Variants in RBFOX1 observed in about 807,000 individuals in gnomAD.
The protein encoded by RBFOX1 is RNA binding protein fox-1 homolog 1.
A neutral mutation model predicts 57.7 loss-of-function variants in RBFOX1; 8 were observed. The observed-to-expected ratio is 0.14, with a 90% CI of 0.08 to 0.25. RBFOX1 has a LOEUF of 0.25. RBFOX1 is among the 10% of genes least tolerant of loss of function. The probability of loss-of-function intolerance (pLI) is 1.00; values close to 1 mark genes in which losing one functional copy is unlikely to be tolerated. For missense variants in RBFOX1, 611 were observed against 548.5 expected, an observed-to-expected ratio of 1.11 and a Z score of -1.14; for synonymous variants, 326 against 222.4, an observed-to-expected ratio of 1.47 and a Z score of -4.15.
chr16:5,793,808 G>A (rs546992928), intron 3 of RBFOX1, among the ~76,000 whole-genome samples: 3 of 152,184 alleles, frequency 2.0e-5, no homozygotes, highest in Non-Finnish European at 4.4e-5. Flanking sequence ...AGTGTGCATT[G>A]CATGCGTGCA....
intron 3 of RBFOX1, among the ~76,000 whole-genome samples, chr16:5,726,149 A>G (rs1238102095): frequency 2.0e-5 from 3 of 151,310 alleles, no homozygotes; most frequent in Non-Finnish European, 4.4e-5. Flanking sequence ...CTTTCGTCCC[A>G]GTTTAATTTC....
chr16:5,386,967 C>A (rs1311090292), intron 1 of RBFOX1, among the ~76,000 whole-genome samples: 2 of 152,206 alleles, frequency 1.3e-5, no homozygotes, highest in Non-Finnish European at 2.9e-5. Context: ...AGTAGAATCT[C>A]TTGAACCCAG....
intron 8 of RBFOX1, 94 bp from the exon 9 acceptor site, chr16:7,597,277 T>C (rs1012247122): frequency 2.3e-6 from 2 of 882,716 alleles, no homozygotes; most frequent in African/African-American, 3.5e-5. Flanking sequence ...TAGTTTTCTT[T>C]TTTAATAAGT....
rs544701047 is a variant in RBFOX1 at position 6,993,458 on chromosome 16, T to C, written c.-15-58599T>C. Among the ~76,000 whole-genome samples the C allele has an allele frequency of 1.3e-4, 19 of 151,960 alleles. No homozygotes were observed. In the South Asian group the frequency reaches 3.9e-3, roughly 32 times the overall value. Reference sequence around the variant, plus strand: ...TTGCTGGCTGAGGGATCCATCAGAGTGGGAAGGGGAGATGGGGAAAGCCAT... The same window carrying C: ...TTGCTGGCTGAGGGATCCATCAGAGCGGGAAGGGGAGATGGGGAAAGCCAT... On this transcript the variant is annotated intron_variant, in intron 3 of 15. Transcript: ENST00000550418.
chr16:6,175,505 G>GT (rs1215954310), intron 1 of RBFOX1, among the ~76,000 whole-genome samples: 20 of 152,094 alleles, frequency 1.3e-4, no homozygotes, highest in African/African-American at 4.3e-4. Flanking sequence ...CTGTAGGTCG[G>GT]GGGGGTGGGG....
At chr16:7,527,768 C>T (rs915728409) in intron 5 of RBFOX1, among the ~76,000 whole-genome samples, 5 of 152,130 alleles carry the variant, frequency 3.3e-5, no homozygotes, top group Non-Finnish European at 7.4e-5. Context: ...AAACATTCTA[C>T]CAGATCGACC....
At chr16:7,106,069 C>G (rs1048287235) in intron 4 of RBFOX1, among the ~76,000 whole-genome samples, 4 of 152,148 alleles carry the variant, frequency 2.6e-5, no homozygotes, top group Non-Finnish European at 5.9e-5. Context: ...TAAAACTATT[C>G]AGTACCCCCA....
At chr16:7,663,090 AAGTGATC>A (rs2068188979) in intron 12 of RBFOX1, among the ~76,000 whole-genome samples, 1 of 152,218 alleles carries the variant, frequency 6.6e-6, no homozygotes, top group Admixed American at 6.5e-5. Flanking sequence ...TGATATGGCT[AAGTGATC>A]AGTCCTGTGG....
At chr16:7,700,831 A>G (rs893986229) in intron 14 of RBFOX1, among the ~76,000 whole-genome samples, 10 of 152,154 alleles carry the variant, frequency 6.6e-5, no homozygotes, top group African/African-American at 2.4e-4. Context: ...AGAGGTTTTC[A>G]GAATAGGAAG....
At chr16:7,536,926 A>G (rs1415587745) in intron 5 of RBFOX1, among the ~76,000 whole-genome samples, 1 of 152,214 alleles carries the variant, frequency 6.6e-6, no homozygotes, top group Non-Finnish European at 1.5e-5. Context: ...TATTCCTGTG[A>G]CAGGATGAAT....
At chr16:5,861,018 G>A (rs1307745772) in intron 3 of RBFOX1, among the ~76,000 whole-genome samples, 2 of 152,210 alleles carry the variant, frequency 1.3e-5, no homozygotes, top group Non-Finnish European at 2.9e-5. Context: ...GAGAAACTGG[G>A]TTTGAGCTTT....
At chr16:5,527,355 C>T (rs937377419) in intron 2 of RBFOX1, among the ~76,000 whole-genome samples, 1 of 152,206 alleles carries the variant, frequency 6.6e-6, no homozygotes, top group Non-Finnish European at 1.5e-5. Flanking sequence ...AGACTCCTCC[C>T]CCATACAGCG....
chr16:6,250,985 G>T (rs897417631), intron 1 of RBFOX1, among the ~76,000 whole-genome samples: 10 of 152,078 alleles, frequency 6.6e-5, no homozygotes, highest in African/African-American at 1.9e-4. Flanking sequence ...TATGGCGTTT[G>T]AGATGGGGTG....
chr16:7,625,270 G>C (rs904590830), intron 10 of RBFOX1, among the ~76,000 whole-genome samples: 12 of 152,154 alleles, frequency 7.9e-5, no homozygotes, highest in African/African-American at 2.9e-4. Context: ...GCCACATTGA[G>C]TGAACCCTGT....
At chr16:7,070,846 C>T (rs1041656790) in intron 4 of RBFOX1, among the ~76,000 whole-genome samples, 1 of 152,156 alleles carries the variant, frequency 6.6e-6, no homozygotes, top group Non-Finnish European at 1.5e-5. Flanking sequence ...TGCACAGACA[C>T]CAAATTGACC....
chr16:6,255,291 T>C (rs1338386624), intron 1 of RBFOX1, among the ~76,000 whole-genome samples: 1 of 151,898 alleles, frequency 6.6e-6, no homozygotes, highest in African/African-American at 2.4e-5. Flanking sequence ...ACTCTGTGGG[T>C]AGTTGAGATG....
intron 4 of RBFOX1, among the ~76,000 whole-genome samples, chr16:5,896,226 C>G (rs567491374): frequency 6.6e-6 from 1 of 152,286 alleles, no homozygotes; most frequent in African/African-American, 2.4e-5. Context: ...CTGCTTGTAT[C>G]TTGCTACAGT....
chr16:7,400,516 C>T (rs963330957), intron 4 of RBFOX1, among the ~76,000 whole-genome samples: 11 of 152,154 alleles, frequency 7.2e-5, no homozygotes, highest in Admixed American at 1.3e-4. Flanking sequence ...CTTTCTCCCT[C>T]CTGGTCCCTT....
At chr16:5,520,686 C>G (rs959548702) in intron 2 of RBFOX1, among the ~76,000 whole-genome samples, 4 of 152,334 alleles carry the variant, frequency 2.6e-5, no homozygotes, top group African/African-American at 7.2e-5. Flanking sequence ...ATATGCTCGT[C>G]TCACCATATG....
Sources: allele counts gnomAD v4.1 joint callset (sites outside exome capture counted in the v4.1 genomes callset), GRCh38; gene constraint gnomAD v4.1.1; transcripts MANE v1.5; gene names NCBI Gene and HGNC (gene_info 2026-07-23, HGNC 2026-07-21).